TP53I13: variants seen among roughly 807,000 people sequenced by gnomAD.
TP53I13 encodes tumor protein p53-inducible protein 13.
TP53I13 carries 27 observed loss-of-function variants against 39.1 expected under a neutral mutation model. The ratio of observed to expected loss-of-function variants is 0.69; its 90% CI spans 0.51 to 0.95. The LOEUF (loss-of-function observed/expected upper bound fraction) is 0.95, where lower values mean the gene tolerates loss of function less well. Among genes scored for constraint, TP53I13 ranks in the 40% least tolerant of loss-of-function variants. TP53I13 has a pLI of 0.00. For missense variants in TP53I13, 544 were observed against 520.4 expected, an observed-to-expected ratio of 1.05 and a Z score of -0.44; for synonymous variants, 230 against 224.6, an observed-to-expected ratio of 1.02 and a Z score of -0.22.
At chr17:29,575,854 G>A, downstream of TP53I13, 2 of 1,612,338 alleles carry the variant, frequency 1.2e-6, no homozygotes, top group Non-Finnish European at 1.7e-6. The surrounding 1 kb of genome is among the most constrained non-coding windows in gnomAD (Gnocchi z 5.5). Flanking sequence ...GCAGCGGGGA[G>A]GAGGGAGTGA....
At position 29,572,835 on chromosome 17, in the gene TP53I13, C is replaced by CAGCCCTCGCGCCGGGTCA; in HGVS notation, c.1097_1114dup (p.Pro366_Lys371dup). 3.3e-6 allele frequency: 5 copies of CAGCCCTCGCGCCGGGTCA among 1,528,082 alleles called. No homozygotes were observed. The highest frequency in any genetic ancestry group is 3.5e-6 in the Non-Finnish European group (4 of 1,143,286). 94.7% of individuals were successfully genotyped at this position (1,528,082 alleles called of 1,614,324 possible). ...AGCTGTGCTGAAGCGGAGGCTGCTG[C>CAGCCCTCGCGCCGGGTCA]AGCCCTCGCGCCGGGTCAAGCGCTC... On this transcript the variant is annotated inframe_insertion, in exon 7 of 7. Coordinates refer to ENST00000301057, the MANE Select transcript of TP53I13 (RefSeq NM_138349.4).
At chr17:29,574,892 C>T (rs1160679170), downstream of TP53I13, 11 of 1,570,714 alleles carry the variant, frequency 7.0e-6, no homozygotes, top group African/African-American at 1.4e-5. Context: ...CAGTGAGCTC[C>T]GCACTGGCTC....
At chr17:29,575,758 C>T (rs2033170126), downstream of TP53I13, 1 of 1,600,096 alleles carries the variant, frequency 6.2e-7, no homozygotes, top group Non-Finnish European at 8.5e-7. The surrounding 1 kb of genome is among the most constrained non-coding windows in gnomAD (Gnocchi z 5.5). Context: ...CCACACTGCC[C>T]CTAGCCCACA....
chr17:29,575,889 C>T (rs1327119077), downstream of TP53I13: 1 of 1,607,342 alleles, frequency 6.2e-7, no homozygotes, highest in African/African-American at 1.3e-5. This position sits in a 1 kb window ranked among gnomAD's most constrained non-coding sequence, Gnocchi z 5.5. Context: ...GCAGACACCC[C>T]TTTCCGGATC....
downstream of TP53I13, chr17:29,577,593 G>A: frequency 4.3e-6 from 5 of 1,165,788 alleles, no homozygotes; most frequent in Non-Finnish European, 6.5e-6. Context: ...GGATGAGGAG[G>A]GACCGCGGGG....
At chr17:29,576,513 C>T (rs753552159), downstream of TP53I13, 4 of 1,613,806 alleles carry the variant, frequency 2.5e-6, no homozygotes, top group Admixed American at 1.7e-5. Flanking sequence ...ACCGAGGCTG[C>T]ACCCTCACCT....
chr17:29,566,802 C>A, upstream of TP53I13: 1 of 1,513,490 alleles, frequency 6.6e-7, no homozygotes, highest in Non-Finnish European at 8.8e-7. Context: ...ACTGGTCCGC[C>A]GGGCCTCCGC....
At chr17:29,570,192 CACCATGCCTGGCCTG>C (rs2032873370) in intron 3 of TP53I13, among the ~76,000 whole-genome samples, 1 of 138,490 alleles carries the variant, frequency 7.2e-6, no homozygotes. Flanking sequence ...AGGTGTGAGC[CACCATGCCTGGCCTG>C]AAATACCTAA....
At chr17:29,579,026 C>A in the TP53I13 span, 1 of 1,605,570 alleles carries the variant, frequency 6.2e-7, no homozygotes. Flanking sequence ...AAGAACAGGA[C>A]AGAGGCGGCA....
chr17:29,579,255 G>A, the TP53I13 span: 1 of 522,044 alleles, frequency 1.9e-6, no homozygotes, highest in African/African-American at 1.9e-5. Flanking sequence ...TCCTAGTGAA[G>A]CTCCCCAGGT....
downstream of TP53I13, chr17:29,576,434 G>A (rs748189816): frequency 1.4e-5 from 23 of 1,612,414 alleles, no homozygotes; most frequent in South Asian, 1.3e-4. Context: ...CAGGTTCTCC[G>A]CCTGCAGCTT....
chr17:29,569,083 G>GA lies in TP53I13; in HGVS notation c.138_139insA (p.Gln47ThrfsTer17). 1 of 1,592,980 alleles carries GA rather than the reference G, an allele frequency of 6.3e-7. No homozygotes were observed. ...CCGAGAGCCTGTGGCCTCTGCCTCC[G>GA]CAGGTAGGAGCCCTGGAGGGCCCAG... On this transcript the variant is annotated frameshift_variant, in exon 2 of 7. Transcript: ENST00000301057. LOFTEE classifies it high-confidence loss of function.
downstream of TP53I13, chr17:29,575,750 A>G: frequency 6.3e-7 from 1 of 1,599,338 alleles, no homozygotes; most frequent in Non-Finnish European, 8.5e-7. This position sits in a 1 kb window ranked among gnomAD's most constrained non-coding sequence, Gnocchi z 5.5. Flanking sequence ...TCCTGGACCC[A>G]CACTGCCCCT....
Position 29,568,876 on chromosome 17 carries a change from G to T in TP53I13, c.72+46G>T. 1 of 1,599,694 alleles carries T rather than the reference G, an allele frequency of 6.3e-7. No individual in the cohort carries two copies. On this transcript the variant is annotated intron_variant, in intron 1 of 6. Coordinates refer to ENST00000301057, the MANE Select transcript of TP53I13 (RefSeq NM_138349.4). The surrounding 1 kb of genome is among the most constrained non-coding windows in gnomAD (Gnocchi z 4.5). Reference sequence around the variant, plus strand: ...GAAGGCCTCGGCCCGCGAGCTCAAAGCGCTTTGCCAAAAGTTCGTCCTGGA... The same window carrying T: ...GAAGGCCTCGGCCCGCGAGCTCAAATCGCTTTGCCAAAAGTTCGTCCTGGA...
upstream of TP53I13, chr17:29,568,557 A>G (rs1287808348): frequency 6.0e-6 from 1 of 166,702 alleles, no homozygotes; most frequent in Non-Finnish European, 1.2e-5. This position sits in a 1 kb window ranked among gnomAD's most constrained non-coding sequence, Gnocchi z 4.5. Flanking sequence ...GCGTGCGCGC[A>G]CACTCCGCTG....
At chr17:29,574,884 G>A (rs2150820480), downstream of TP53I13, 1 of 1,576,882 alleles carries the variant, frequency 6.3e-7, no homozygotes. Flanking sequence ...AGCAGCCGCA[G>A]TGAGCTCCGC....
upstream of TP53I13, chr17:29,568,537 G>C (rs563476589): frequency 6.2e-6 from 1 of 161,352 alleles, no homozygotes; most frequent in Non-Finnish European, 1.3e-5. This position sits in a 1 kb window ranked among gnomAD's most constrained non-coding sequence, Gnocchi z 4.5. Flanking sequence ...TCCGGCTTCG[G>C]GTTTAAGACG....
At chr17:29,575,846 A>C (rs1183647314), downstream of TP53I13, 1 of 1,612,638 alleles carries the variant, frequency 6.2e-7, no homozygotes, top group South Asian at 1.1e-5. This position sits in a 1 kb window ranked among gnomAD's most constrained non-coding sequence, Gnocchi z 5.5. Context: ...GCAGGACAGC[A>C]GCGGGGAGGA....
chr17:29,576,234 G>A (rs758288314), downstream of TP53I13: 5 of 1,608,076 alleles, frequency 3.1e-6, no homozygotes, highest in Non-Finnish European at 4.3e-6. Flanking sequence ...CTGTGGAAAG[G>A]CTGCAGCCGC....
Sources: allele counts gnomAD v4.1 joint callset (sites outside exome capture counted in the v4.1 genomes callset), GRCh38; gene constraint gnomAD v4.1.1; non-coding constraint Gnocchi (gnomAD v3.1); transcripts MANE v1.5; gene names NCBI Gene and HGNC (gene_info 2026-07-23, HGNC 2026-07-21).